SLC30A4: variants seen among roughly 807,000 people sequenced by gnomAD.
SLC30A4 encodes probable proton-coupled zinc antiporter SLC30A4.
A neutral mutation model predicts 41.7 loss-of-function variants in SLC30A4; 20 were observed. That is an observed-to-expected ratio of 0.48 (90% CI 0.34 to 0.70). The LOEUF (loss-of-function observed/expected upper bound fraction) is 0.70, where lower values mean the gene tolerates loss of function less well. SLC30A4 is among the 30% of genes least tolerant of loss of function. The probability of loss-of-function intolerance (pLI) is 0.01; values close to 1 mark genes in which losing one functional copy is unlikely to be tolerated. For synonymous variants in SLC30A4, 181 were observed against 195.9 expected, an observed-to-expected ratio of 0.92 and a Z score of 0.64; for missense variants, 441 against 529.3, an observed-to-expected ratio of 0.83 and a Z score of 1.64.
intron 2 of SLC30A4, among the ~76,000 whole-genome samples, chr15:45,515,228 A>G (rs1892431915): frequency 6.6e-6 from 1 of 150,752 alleles, no homozygotes; most frequent in Admixed American, 6.6e-5. Context: ...AGCTCTCACT[A>G]TACTGCCCAG....
chr15:45,521,540 A>T (rs1377322062), intron 2 of SLC30A4, among the ~76,000 whole-genome samples: 3 of 119,876 alleles, frequency 2.5e-5, no homozygotes, highest in Non-Finnish European at 4.6e-5. Flanking sequence ...CCTTACATGT[A>T]AAAAAAAAAA....
intron 3 of SLC30A4, among the ~76,000 whole-genome samples, chr15:45,495,380 A>T (rs1282937688): frequency 1.3e-5 from 2 of 152,176 alleles, no homozygotes; most frequent in African/African-American, 4.8e-5. Context: ...TTCACTCTCA[A>T]AACTGTTCTG....
At chr15:45,516,737 G>A (rs890316738) in intron 2 of SLC30A4, among the ~76,000 whole-genome samples, 21 of 152,064 alleles carry the variant, frequency 1.4e-4, no homozygotes, top group Non-Finnish European at 2.6e-4. Context: ...GGGCGTGATG[G>A]TGTGCACCTG....
At chr15:45,493,046 C>T (rs1378345657) in intron 3 of SLC30A4, among the ~76,000 whole-genome samples, 12 of 152,142 alleles carry the variant, frequency 7.9e-5, no homozygotes, top group South Asian at 4.1e-4. Context: ...CCAAGGCGGG[C>T]GGATCACCTG....
At chr15:45,511,767 G>A (rs1892300042) in intron 2 of SLC30A4, among the ~76,000 whole-genome samples, 2 of 152,250 alleles carry the variant, frequency 1.3e-5, no homozygotes, top group Admixed American at 6.5e-5. Flanking sequence ...ATAGGCGTAA[G>A]CCAATGTGTC....
Position 45,522,078 on chromosome 15 carries a change from C to G in SLC30A4, c.277G>C (p.Asp93His), listed in dbSNP as rs774438703. The part of the protein sequence containing the change: ...LTNSQLSLKV[D>H]SCDNCSKQRE... ...TGTTTGCTGCAGTTGTCACAGGAGTCCACCTTCAAACTCAGCTGACTGTTG... is the reference window on the plus strand; with the variant it reads ...TGTTTGCTGCAGTTGTCACAGGAGTGCACCTTCAAACTCAGCTGACTGTTG... The change falls in exon 2 of 8, where the codon GAC becomes CAC. Residue 93 changes from aspartate to histidine, a missense_variant. Asp to His is a moderately conservative substitution (Grantham distance 81). This residue lies in a region of SLC30A4 where 312 missense variants were observed against 341.9 expected (regional missense o/e 0.91). Coordinates refer to ENST00000261867, the MANE Select transcript of SLC30A4 (RefSeq NM_013309.6). The G allele has an allele frequency of 6.2e-7, 1 of 1,614,082 alleles. No homozygotes were observed. Among genetic ancestry groups the G allele is most frequent in the Non-Finnish European group, 8.5e-7 (1 of 1,180,028 alleles).
intron 2 of SLC30A4, 41 bp downstream of exon 2, chr15:45,521,923 G>A (rs201641658): frequency 2.5e-5 from 39 of 1,582,832 alleles, no homozygotes; most frequent in Non-Finnish European, 3.1e-5. Flanking sequence ...AAAGACTCTC[G>A]AGGAAAGGTA....
rs1595536043 is a variant in SLC30A4, at chr15:45,522,588, C to T, written c.-115+19G>A. On this transcript the variant is annotated intron_variant, in intron 1 of 7. Transcript: ENST00000261867. ...GCTCCGCCGGGGCTCCGCGAGGGGG[C>T]GGCACATCTATTTAATACCTGGGGC... The T allele has an allele frequency of 2.1e-6, 1 of 468,928 alleles. No homozygotes were observed. Among genetic ancestry groups the T allele is most frequent in the East Asian group, 3.4e-5 (1 of 29,124 alleles). 29.0% of individuals were successfully genotyped at this position (468,928 alleles called of 1,614,324 possible). A position where few individuals can be genotyped will look rare whatever the true frequency, so the allele number is the denominator to read the frequency against.
chr15:45,500,131 G>A (rs1279996553), intron 3 of SLC30A4, among the ~76,000 whole-genome samples: 2 of 152,138 alleles, frequency 1.3e-5, no homozygotes, highest in African/African-American at 2.4e-5. Flanking sequence ...TCTGACTGGG[G>A]GAGAAGAACG....
At chr15:45,487,334 A>G (rs1455124718) in intron 6 of SLC30A4, among the ~76,000 whole-genome samples, 193 bp downstream of exon 6, 7 of 152,212 alleles carry the variant, frequency 4.6e-5, no homozygotes, top group African/African-American at 1.2e-4. Flanking sequence ...CTTAGCTATT[A>G]TAAGTGTCAA....
intron 3 of SLC30A4, among the ~76,000 whole-genome samples, chr15:45,507,676 CAG>C (rs2140837657): frequency 6.6e-6 from 1 of 152,000 alleles, no homozygotes; most frequent in East Asian, 1.9e-4. Flanking sequence ...TTAGTAGAAA[CAG>C]GGTTTCACCA....
chr15:45,499,027 A>T (rs1891960998), intron 3 of SLC30A4, among the ~76,000 whole-genome samples: 1 of 151,844 alleles, frequency 6.6e-6, no homozygotes. Flanking sequence ...AAAACTATGT[A>T]TCATTAGGAA....
Position 45,484,420 on chromosome 15 carries a change from A to G in SLC30A4, c.*743T>C, listed in dbSNP as rs1004293612. The G allele has an allele frequency of 5.3e-5, 8 of 152,192 alleles. No homozygotes were observed. Among genetic ancestry groups the G allele is most frequent in the Admixed American group, 4.6e-4 (7 of 15,284 alleles). The allele number at this position is 152,192 out of a possible 1,614,324, so 9.4% of individuals were successfully genotyped here. ...CATCATATAGTAATTTGAGTTTAAG[A>G]CTAACTTCAGCCATTCAGAATAATA... On this transcript the variant is annotated 3_prime_UTR_variant, in exon 8 of 8. Coordinates refer to ENST00000261867, the MANE Select transcript of SLC30A4 (RefSeq NM_013309.6).
intron 2 of SLC30A4, among the ~76,000 whole-genome samples, chr15:45,518,271 T>C (rs1566883735): frequency 1.3e-5 from 2 of 152,230 alleles, no homozygotes; most frequent in African/African-American, 2.4e-5. Context: ...CTGGTTACTA[T>C]GTCTTATAGT....
At chr15:45,521,907 CT>C in intron 2 of SLC30A4, 56 bp downstream of exon 2, 1 of 1,550,646 alleles carries the variant, frequency 6.4e-7, no homozygotes, top group Non-Finnish European at 8.8e-7. Flanking sequence ...GTAACTACAG[CT>C]TGACAAAGAC....
chr15:45,510,258 A>G (rs1372622913), intron 3 of SLC30A4, among the ~76,000 whole-genome samples: 4 of 152,244 alleles, frequency 2.6e-5, no homozygotes, highest in African/African-American at 9.6e-5. Context: ...CTTAAAAGCA[A>G]AAAACAAAAA....
chr15:45,485,194 G>A lies in SLC30A4; in HGVS notation c.1259C>T (p.Thr420Ile). 2 of 1,612,810 alleles carry A rather than the reference G, an allele frequency of 1.2e-6. No individual in the cohort carries two copies. Among genetic ancestry groups the A allele is most frequent in the Non-Finnish European group, 1.7e-6 (2 of 1,179,528 alleles). ...LQSYRQEVDR[T>I]CANCQSSSP ...ACTAGAACTCTGACAATTTGCACAA[G>A]TTCTGTCCACTTCTTGCCTGTAACT... is the stretch of plus-strand genomic sequence containing the variant. The change falls in exon 8 of 8, where the codon ACT (threonine) becomes ATT (isoleucine). Residue 420 changes from threonine to isoleucine, a missense_variant. By Grantham distance (89) the Thr-to-Ile change is moderately conservative. Around this residue, in one of 3 missense-constraint regions of SLC30A4, gnomAD observed 100 missense variants for 121.0 expected, o/e 0.83. Transcript: ENST00000261867.
chr15:45,486,657 C>G lies in SLC30A4; in HGVS notation c.1089G>C (p.Trp363Cys). The part of the protein sequence containing the change: ...DVYSVEDLNI[W>C]SLTSGKSTAI... ...CAGTAGATTTTCCTGAAGTGAGAGA[C>G]CAGATATTTAAATCTTCGACTGAAT... Residue 363 changes from tryptophan (W) to cysteine (C), a missense_variant, in exon 7 of 8, where the codon TGG becomes TGC. Coordinates refer to ENST00000261867, the MANE Select transcript of SLC30A4 (RefSeq NM_013309.6). 2 of 1,605,256 alleles carry G rather than the reference C, an allele frequency of 1.2e-6. No homozygotes were observed. Among genetic ancestry groups the G allele is most frequent in the Non-Finnish European group, 1.7e-6 (2 of 1,176,370 alleles).
chr15:45,485,974 C>G (rs1891695469), intron 7 of SLC30A4, among the ~76,000 whole-genome samples: 1 of 151,812 alleles, frequency 6.6e-6, no homozygotes, highest in Non-Finnish European at 1.5e-5. Flanking sequence ...CCACCTTGGC[C>G]TCCCAAAGTG....
Sources: allele counts gnomAD v4.1 joint callset (sites outside exome capture counted in the v4.1 genomes callset), GRCh38; gene constraint gnomAD v4.1.1; regional missense constraint gnomAD v4.1.1; transcripts MANE v1.5; gene names NCBI Gene and HGNC (gene_info 2026-07-23, HGNC 2026-07-21).